FNDC3B: variants seen among roughly 807,000 people sequenced by gnomAD.
FNDC3B encodes fibronectin type III domain containing 3B.
Under a neutral mutation model 151.5 loss-of-function variants are expected in FNDC3B, and 12 were observed. The observed-to-expected ratio is 0.08, with a 90% CI of 0.05 to 0.13. The LOEUF is 0.13. FNDC3B is among the 10% of genes least tolerant of loss of function. FNDC3B has a pLI of 1.00. For missense variants in FNDC3B, 1,214 were observed against 1,505.3 expected (o/e 0.81, Z 3.20); for synonymous variants, 528 against 549.0 (o/e 0.96, Z 0.54).
intron 2 of FNDC3B, among the ~76,000 whole-genome samples, chr3:172,127,746 ACTG>A (rs1261122508): frequency 2.0e-5 from 3 of 152,106 alleles, no homozygotes; most frequent in Admixed American, 6.6e-5. Context: ...TGCCATGGCA[ACTG>A]CTGCCTCCCG....
At chr3:172,204,797 A>G (rs901328142) in intron 3 of FNDC3B, among the ~76,000 whole-genome samples, 6 of 152,226 alleles carry the variant, frequency 3.9e-5, no homozygotes, top group African/African-American at 1.2e-4. Flanking sequence ...AAGATGTGGC[A>G]TTCCTTGCAA....
intron 23 of FNDC3B, among the ~76,000 whole-genome samples, chr3:172,372,206 C>G (rs540527174): frequency 1.3e-5 from 2 of 152,296 alleles, no homozygotes; most frequent in African/African-American, 4.8e-5. Context: ...ACAGTGGAGC[C>G]CCACAGGTGT....
chr3:172,173,970 C>T (rs1008515203), intron 3 of FNDC3B, among the ~76,000 whole-genome samples: 8 of 152,124 alleles, frequency 5.3e-5, no homozygotes, highest in Non-Finnish European at 1.2e-4. Flanking sequence ...GTGTTATTTA[C>T]GGGGAAAACT....
At chr3:172,291,885 A>T (rs1576879921) in intron 7 of FNDC3B, among the ~76,000 whole-genome samples, 1 of 152,172 alleles carries the variant, frequency 6.6e-6, no homozygotes, top group East Asian at 1.9e-4. Flanking sequence ...TGTGAAGGTC[A>T]TATATGAGTG....
chr3:172,211,628 C>G (rs1429205427), intron 3 of FNDC3B, among the ~76,000 whole-genome samples: 2 of 152,134 alleles, frequency 1.3e-5, no homozygotes, highest in Non-Finnish European at 2.9e-5. Flanking sequence ...ATTCAACTGC[C>G]TAAGTTTGTA....
At chr3:172,381,592 G>C (rs759042900) in intron 25 of FNDC3B, among the ~76,000 whole-genome samples, 1 of 152,016 alleles carries the variant, frequency 6.6e-6, no homozygotes, top group Non-Finnish European at 1.5e-5. Flanking sequence ...TCTACATTAG[G>C]TATTTCTCCT....
At chr3:172,152,266 A>G (rs1319292574) in intron 3 of FNDC3B, among the ~76,000 whole-genome samples, 2 of 151,924 alleles carry the variant, frequency 1.3e-5, no homozygotes, top group African/African-American at 4.8e-5. Flanking sequence ...TCATGCCCAT[A>G]TTGCTGTAGA....
At chr3:172,373,192 T>A (rs1335188845) in intron 23 of FNDC3B, among the ~76,000 whole-genome samples, 3 of 152,226 alleles carry the variant, frequency 2.0e-5, no homozygotes, top group Admixed American at 6.5e-5. Flanking sequence ...TGAGAGTTTT[T>A]CACCATTTCC....
At chr3:172,147,788 T>A (rs61585930) in intron 3 of FNDC3B, among the ~76,000 whole-genome samples, 4,652 of 151,366 alleles carry the variant, frequency 0.031, 244 homozygotes, top group African/African-American at 0.11. Context: ...TCGGGGTTGG[T>A]GACATTTGTA....
chr3:172,340,014 C>T (rs1014421908), intron 16 of FNDC3B, among the ~76,000 whole-genome samples: 2 of 152,228 alleles, frequency 1.3e-5, no homozygotes, highest in Non-Finnish European at 2.9e-5. Flanking sequence ...AAAACAACTT[C>T]ATGTAGTAAA....
chr3:172,307,586 G>C, intron 10 of FNDC3B, 85 bp downstream of exon 10: 1 of 1,386,572 alleles, frequency 7.2e-7, no homozygotes, highest in South Asian at 1.2e-5. Context: ...CCAGCTACCT[G>C]GGAGGCTGAG....
intron 1 of FNDC3B, among the ~76,000 whole-genome samples, chr3:172,044,896 A>G (rs1252217902): frequency 6.6e-6 from 1 of 152,240 alleles, no homozygotes; most frequent in Non-Finnish European, 1.5e-5. Flanking sequence ...TCTGAGCATC[A>G]GTTTGAAATC....
At chr3:172,289,541 T>C (rs570201592) in intron 7 of FNDC3B, among the ~76,000 whole-genome samples, 4 of 152,324 alleles carry the variant, frequency 2.6e-5, no homozygotes, top group African/African-American at 9.6e-5. Flanking sequence ...GCCCAATTAG[T>C]TGTTTATGCA....
chr3:172,097,389 G>A (rs1259954254), intron 1 of FNDC3B, among the ~76,000 whole-genome samples: 1 of 152,194 alleles, frequency 6.6e-6, no homozygotes, highest in Non-Finnish European at 1.5e-5. Flanking sequence ...GAATGGTGAC[G>A]ATTAGTTCTG....
At chr3:172,205,648 T>G (rs1725387649) in intron 3 of FNDC3B, among the ~76,000 whole-genome samples, 1 of 152,198 alleles carries the variant, frequency 6.6e-6, no homozygotes, top group African/African-American at 2.4e-5. Flanking sequence ...CTTGTAGAGT[T>G]TTCTATTTAT....
intron 3 of FNDC3B, among the ~76,000 whole-genome samples, chr3:172,139,498 G>T (rs1392694104): frequency 6.6e-6 from 1 of 152,168 alleles, no homozygotes; most frequent in East Asian, 1.9e-4. Flanking sequence ...TTCAAAGATT[G>T]TAGTGAATCT....
chr3:172,146,675 ATCT>A (rs1016900481), intron 3 of FNDC3B, among the ~76,000 whole-genome samples: 20 of 152,326 alleles, frequency 1.3e-4, no homozygotes, highest in African/African-American at 4.8e-4. Flanking sequence ...TATCAGGTTC[ATCT>A]TCTTTAGCAA....
intron 16 of FNDC3B, among the ~76,000 whole-genome samples, chr3:172,338,790 G>A (rs1335740744): frequency 6.6e-6 from 1 of 152,218 alleles, no homozygotes; most frequent in East Asian, 1.9e-4. Flanking sequence ...GCGACAGAGT[G>A]CAGTGGCGTG....
At chr3:172,311,734 C>T (rs575651009) in intron 11 of FNDC3B, among the ~76,000 whole-genome samples, 2 of 150,098 alleles carry the variant, frequency 1.3e-5, no homozygotes, top group African/African-American at 2.5e-5. Context: ...AAAAATTAGC[C>T]GGGCGTAGTG....
Sources: allele counts gnomAD v4.1 joint callset (sites outside exome capture counted in the v4.1 genomes callset), GRCh38; gene constraint gnomAD v4.1.1; transcripts MANE v1.5; gene names NCBI Gene and HGNC (gene_info 2026-07-23, HGNC 2026-07-21).